CMIP: variants seen among roughly 807,000 people sequenced by gnomAD.
The protein encoded by CMIP is c-Maf inducing protein, also known as C-Maf-inducing protein.
In CMIP, 13 loss-of-function variants were observed where a neutral mutation model predicts 97.3. The ratio of observed to expected loss-of-function variants is 0.13; its 90% CI spans 0.09 to 0.21. The LOEUF is 0.21. CMIP is among the 10% of genes least tolerant of loss of function. The pLI is 1.00. For missense variants in CMIP, 847 were observed against 1,024.9 expected, an observed-to-expected ratio of 0.83 and a Z score of 2.37; for synonymous variants, 538 against 436.3, an observed-to-expected ratio of 1.23 and a Z score of -2.91.
chr16:81,461,745 C>T (rs80263475), intron 1 of CMIP, among the ~76,000 whole-genome samples: 7,568 of 152,322 alleles, frequency 0.05, 232 homozygotes, highest in South Asian at 0.12. Context: ...GTGCCTGGAT[C>T]TGGGTTCACA....
intron 1 of CMIP, among the ~76,000 whole-genome samples, chr16:81,475,140 C>G (rs1907820126): frequency 6.6e-6 from 1 of 151,996 alleles, no homozygotes; most frequent in Admixed American, 6.6e-5. Context: ...TAACCCTTTC[C>G]TCCCTTCTCT....
chr16:81,634,954 G>A (rs1471700030), intron 3 of CMIP, among the ~76,000 whole-genome samples: 2 of 152,200 alleles, frequency 1.3e-5, no homozygotes, highest in African/African-American at 4.8e-5. Context: ...ATCCTTATTT[G>A]GGATAGAGAG....
At chr16:81,671,200 G>C (rs566500596) in intron 8 of CMIP, among the ~76,000 whole-genome samples, 2 of 152,262 alleles carry the variant, frequency 1.3e-5, no homozygotes, top group African/African-American at 4.8e-5. Flanking sequence ...TCCTAAATAT[G>C]CCCACTTGGA....
chr16:81,597,211 A>G (rs555511022), intron 1 of CMIP, among the ~76,000 whole-genome samples: 4 of 152,270 alleles, frequency 2.6e-5, no homozygotes, highest in Admixed American at 2.0e-4. Flanking sequence ...GAGCTGTCAC[A>G]AGGTGGATTC....
At chr16:81,631,713 G>C (rs2092161994) in intron 3 of CMIP, 1 of 152,306 alleles carries the variant, frequency 6.6e-6, no homozygotes. Context: ...CTGTTAACTT[G>C]TTCATTCTGT....
intron 1 of CMIP, among the ~76,000 whole-genome samples, chr16:81,496,460 A>G (rs1161177953): frequency 2.6e-5 from 4 of 152,206 alleles, no homozygotes; most frequent in African/African-American, 9.7e-5. Flanking sequence ...GAAAAGTGAG[A>G]AGGACTTTGA....
At chr16:81,533,533 C>T (rs2090282468) in intron 1 of CMIP, among the ~76,000 whole-genome samples, 1 of 152,082 alleles carries the variant, frequency 6.6e-6, no homozygotes, top group Non-Finnish European at 1.5e-5. Context: ...GGCTGGCATT[C>T]AGTGGTGTGA....
intron 1 of CMIP, among the ~76,000 whole-genome samples, chr16:81,504,100 C>T (rs1022988401): frequency 5.3e-5 from 8 of 152,182 alleles, no homozygotes; most frequent in African/African-American, 1.9e-4. Context: ...CCGAGGGAGG[C>T]AGATCACTTG....
At chr16:81,565,910 G>T (rs912724178) in intron 1 of CMIP, among the ~76,000 whole-genome samples, 1 of 152,200 alleles carries the variant, frequency 6.6e-6, no homozygotes, top group African/African-American at 2.4e-5. Context: ...AGATGTCACG[G>T]GGGGACATGC....
intron 1 of CMIP, among the ~76,000 whole-genome samples, chr16:81,447,326 A>C (rs1158296158): frequency 6.6e-6 from 1 of 151,210 alleles, no homozygotes; most frequent in African/African-American, 2.4e-5. Context: ...GTGACCTGCC[A>C]TGGGAAGGCC....
intron 3 of CMIP, chr16:81,630,375 A>G (rs953959442): frequency 1.3e-5 from 2 of 152,308 alleles, no homozygotes; most frequent in Non-Finnish European, 2.9e-5. Context: ...GGCATCACCC[A>G]TCAGCCACCG....
chr16:81,572,309 T>C (rs1212239687), intron 1 of CMIP, among the ~76,000 whole-genome samples: 1 of 152,242 alleles, frequency 6.6e-6, no homozygotes, highest in African/African-American at 2.4e-5. Flanking sequence ...GAGCAGCGAT[T>C]GGCCCTTGCC....
intron 9 of CMIP, among the ~76,000 whole-genome samples, chr16:81,674,816 C>T (rs927537330): frequency 6.6e-6 from 1 of 151,804 alleles, no homozygotes; most frequent in African/African-American, 2.4e-5. Context: ...GAACTCCTGA[C>T]CTCAGGTGAT....
chr16:81,445,965 A>T (rs1390841128), intron 1 of CMIP, among the ~76,000 whole-genome samples: 5 of 121,136 alleles, frequency 4.1e-5, no homozygotes, highest in East Asian at 2.0e-4. Context: ...CCTCAGATTT[A>T]AAAAAAAAAA....
At chr16:81,601,906 C>G (rs906187268) in intron 1 of CMIP, among the ~76,000 whole-genome samples, 5 of 152,184 alleles carry the variant, frequency 3.3e-5, no homozygotes, top group African/African-American at 1.2e-4. Context: ...GGACAAAAGC[C>G]CCTTAGCCTT....
intron 1 of CMIP, among the ~76,000 whole-genome samples, chr16:81,479,804 C>T (rs752105823): frequency 6.6e-5 from 10 of 152,170 alleles, no homozygotes; most frequent in African/African-American, 1.9e-4. Flanking sequence ...CCCCTACCCC[C>T]GGCTCTTGAA....
At chr16:81,707,391 A>G (rs1232974152) in intron 20 of CMIP, among the ~76,000 whole-genome samples, 2 of 152,240 alleles carry the variant, frequency 1.3e-5, no homozygotes, top group African/African-American at 2.4e-5. Flanking sequence ...GCAAGTGCCA[A>G]GGTCCTGAGA....
chr16:81,540,280 A>T (rs1339199273), intron 1 of CMIP, among the ~76,000 whole-genome samples: 1 of 152,136 alleles, frequency 6.6e-6, no homozygotes. Context: ...GGAGAGCTCC[A>T]TCCTGTGCCG....
At chr16:81,635,197 C>A (rs1311824281) in intron 3 of CMIP, among the ~76,000 whole-genome samples, 1 of 151,142 alleles carries the variant, frequency 6.6e-6, no homozygotes, top group African/African-American at 2.4e-5. Flanking sequence ...AGAGGTGTTC[C>A]CCACCCCCAC....
Sources: allele counts gnomAD v4.1 joint callset (sites outside exome capture counted in the v4.1 genomes callset), GRCh38; gene constraint gnomAD v4.1.1; transcripts MANE v1.5; gene names NCBI Gene and HGNC (gene_info 2026-07-23, HGNC 2026-07-21).